TMT1A: variants seen among roughly 807,000 people sequenced by gnomAD.
TMT1A encodes thiol S-methyltransferase TMT1A.
the TMT1A span, among the ~76,000 whole-genome samples, chr12:50,929,271 C>A: frequency 1.3e-5 from 2 of 152,044 alleles, no homozygotes; most frequent in Non-Finnish European, 2.9e-5. Context: ...CAGGAAATTC[C>A]AATTTTTCTA....
chr12:50,930,964 A>G, the TMT1A span: 1 of 152,132 alleles, frequency 6.6e-6, no homozygotes, highest in Non-Finnish European at 1.5e-5. Flanking sequence ...TTGTCTCCCA[A>G]AGAATTCACA....
chr12:50,925,057 A>T, the TMT1A span: 2 of 1,614,046 alleles, frequency 1.2e-6, no homozygotes, highest in Non-Finnish European at 1.7e-6. Context: ...TACCATCTTT[A>T]TCCTGAGACT....
the TMT1A span, among the ~76,000 whole-genome samples, chr12:50,928,403 G>A: frequency 6.6e-6 from 1 of 152,252 alleles, no homozygotes; most frequent in South Asian, 2.1e-4. Flanking sequence ...GCAAAAAGAG[G>A]GGTCCTGAAA....
At chr12:50,925,323 C>T in the TMT1A span, 4 of 1,614,076 alleles carry the variant, frequency 2.5e-6, no homozygotes, top group Non-Finnish European at 2.5e-6. Flanking sequence ...GCAGGGTGAC[C>T]TGTATTGACC....
chr12:50,925,555 G>A, the TMT1A span: 2 of 1,607,472 alleles, frequency 1.2e-6, no homozygotes, highest in Non-Finnish European at 1.7e-6. Context: ...AAGGGTGTGA[G>A]GAGGACTAGT....
At chr12:50,931,976 C>T in the TMT1A span, 1 of 152,192 alleles carries the variant, frequency 6.6e-6, no homozygotes, top group Non-Finnish European at 1.5e-5. Flanking sequence ...TTCTGCCCAG[C>T]TTTATGTCTT....
At chr12:50,925,061 T>C in the TMT1A span, 4 of 1,614,176 alleles carry the variant, frequency 2.5e-6, no homozygotes, top group Non-Finnish European at 2.5e-6. Flanking sequence ...ATCTTTATCC[T>C]GAGACTGGCC....
the TMT1A span, among the ~76,000 whole-genome samples, chr12:50,929,075 A>T: frequency 7.4e-6 from 1 of 135,558 alleles, no homozygotes; most frequent in Non-Finnish European, 1.5e-5. Flanking sequence ...CTGTCTCTAT[A>T]AAAAAAAAAA....
the TMT1A span, among the ~76,000 whole-genome samples, chr12:50,925,751 C>T: frequency 6.6e-6 from 1 of 151,758 alleles, no homozygotes; most frequent in Non-Finnish European, 1.5e-5. Context: ...AAAGAAAAAA[C>T]CTCCTGGCCG....
At chr12:50,927,945 C>T in the TMT1A span, among the ~76,000 whole-genome samples, 1 of 152,188 alleles carries the variant, frequency 6.6e-6, no homozygotes, top group Admixed American at 6.5e-5. Flanking sequence ...TTGCCTCAGC[C>T]TCCCGAGTAG....
the TMT1A span, among the ~76,000 whole-genome samples, chr12:50,928,116 C>T: frequency 4.6e-5 from 7 of 152,302 alleles, no homozygotes; most frequent in East Asian, 1.9e-4. Flanking sequence ...TGAGCCACCG[C>T]GCCCAGCCAA....
the TMT1A span, chr12:50,925,586 G>GACT: frequency 6.3e-7 from 1 of 1,576,288 alleles, no homozygotes; most frequent in African/African-American, 1.3e-5. Context: ...TATTATCATA[G>GACT]AGGGCAGGCC....
At chr12:50,929,704 C>T in the TMT1A span, among the ~76,000 whole-genome samples, 5 of 152,154 alleles carry the variant, frequency 3.3e-5, no homozygotes, top group South Asian at 8.3e-4. Context: ...AATCATATCA[C>T]GTACATATTT....
chr12:50,925,589 G>A, the TMT1A span: 1 of 1,548,486 alleles, frequency 6.5e-7, no homozygotes, highest in East Asian at 2.3e-5. Flanking sequence ...TATCATAGAG[G>A]GCAGGCCTGT....
chr12:50,925,178 A>G, the TMT1A span: 1 of 1,614,218 alleles, frequency 6.2e-7, no homozygotes, highest in Admixed American at 1.7e-5. Context: ...ACTGTGATAT[A>G]CAACGAACAG....
the TMT1A span, chr12:50,930,135 A>G: frequency 8.1e-6 from 13 of 1,608,690 alleles, no homozygotes; most frequent in Middle Eastern, 6.6e-4. Flanking sequence ...ATATCTATGG[A>G]TATGCTGTGA....
At chr12:50,926,607 A>T in the TMT1A span, among the ~76,000 whole-genome samples, 2 of 152,216 alleles carry the variant, frequency 1.3e-5, no homozygotes, top group African/African-American at 4.8e-5. Flanking sequence ...AGAAAGAACA[A>T]GAAGAGTTAT....
chr12:50,932,194 G>T, the TMT1A span: 2 of 152,126 alleles, frequency 1.3e-5, no homozygotes, highest in Non-Finnish European at 2.9e-5. Context: ...GAATAATTAG[G>T]TATCCTAGGT....
the TMT1A span, chr12:50,929,889 G>GTTTTTTTTTTTTTTTTTTTTTTTTT: frequency 8.1e-7 from 1 of 1,240,834 alleles, no homozygotes; most frequent in Non-Finnish European, 1.1e-6. Flanking sequence ...TCCTTGAAAT[G>GTTTTTTTTTTTTTTTTTTTTTTTTT]TTTTTTTTTT....
Sources: allele counts gnomAD v4.1 joint callset (sites outside exome capture counted in the v4.1 genomes callset), GRCh38; gene constraint gnomAD v4.1.1; transcripts MANE v1.5; gene names NCBI Gene and HGNC (gene_info 2026-07-23, HGNC 2026-07-21).